The following CDH12 variants were observed in gnomAD, a reference collection of about 807,000 sequenced individuals.
The protein encoded by CDH12 is cadherin-12.
CDH12 carries 41 observed loss-of-function variants against 74.1 expected under a neutral mutation model. That is an observed-to-expected ratio of 0.55 (90% CI 0.43 to 0.72). The LOEUF (loss-of-function observed/expected upper bound fraction) is 0.72, where lower values mean the gene tolerates loss of function less well. Ranked by LOEUF, CDH12 falls within the 30% of genes least tolerant of loss-of-function variation. The pLI is 0.00. For missense variants in CDH12, 945 were observed against 977.2 expected, an observed-to-expected ratio of 0.97 and a Z score of 0.44; for synonymous variants, 399 against 355.0, an observed-to-expected ratio of 1.12 and a Z score of -1.39.
intron 1 of CDH12, among the ~76,000 whole-genome samples, chr5:22,743,445 A>G (rs377669804): frequency 2.0e-5 from 3 of 151,810 alleles, no homozygotes; most frequent in East Asian, 1.9e-4. Context: ...TTGGAAGAAA[A>G]ATGATGACAT....
At chr5:22,547,020 G>A (rs1345668512) in intron 1 of CDH12, among the ~76,000 whole-genome samples, 2 of 152,138 alleles carry the variant, frequency 1.3e-5, no homozygotes, top group African/African-American at 4.8e-5. Flanking sequence ...TGGTGCATTA[G>A]GAGATAACTT....
At chr5:22,847,173 A>T (rs1175993736) in intron 1 of CDH12, among the ~76,000 whole-genome samples, 1 of 152,012 alleles carries the variant, frequency 6.6e-6, no homozygotes, top group Non-Finnish European at 1.5e-5. Flanking sequence ...ACTATAAGAC[A>T]CTCTTTTACT....
intron 2 of CDH12, among the ~76,000 whole-genome samples, chr5:22,415,844 T>C (rs1180984984): frequency 2.0e-5 from 3 of 152,052 alleles, no homozygotes; most frequent in Admixed American, 6.6e-5. Context: ...CAGGTTTTGG[T>C]TGGCAATACA....
At chr5:21,770,701 C>T (rs1487408217) in intron 11 of CDH12, among the ~76,000 whole-genome samples, 3 of 152,002 alleles carry the variant, frequency 2.0e-5, no homozygotes, top group Non-Finnish European at 2.9e-5. Context: ...CCAGCAATCC[C>T]GTTATTGGGT....
At position 22,191,553 on chromosome 5, in the gene CDH12, TC is replaced by T. The variant is rs1750277823; in HGVS notation, c.-187+20944del. Among the ~76,000 whole-genome samples the T allele has an allele frequency of 6.4e-4, 36 of 56,346 alleles. 1 individual carries two copies. Among genetic ancestry groups the T allele is most frequent in the Admixed American group, 1.0e-3 (3 of 2,962 alleles). The allele number at this position is 56,346 out of a possible 152,430, so 37.0% of individuals were successfully genotyped here. ...ATAAGTTGTCTATATACACCAATGG[TC>T]TTTTTATTTTTATTTTTTTTTTTTT... is the stretch of plus-strand genomic sequence containing the variant. On this transcript the variant is annotated intron_variant, in intron 4 of 14. Coordinates refer to ENST00000382254, the MANE Select transcript of CDH12 (RefSeq NM_004061.5).
At chr5:22,074,372 C>T (rs1446990829) in intron 5 of CDH12, among the ~76,000 whole-genome samples, 1 of 152,096 alleles carries the variant, frequency 6.6e-6, no homozygotes, top group African/African-American at 2.4e-5. Flanking sequence ...AGAAGAAAAC[C>T]TAGGTAATAC....
intron 3 of CDH12, among the ~76,000 whole-genome samples, chr5:22,375,132 C>A (rs1741465602): frequency 6.6e-6 from 1 of 151,936 alleles, no homozygotes; most frequent in East Asian, 1.9e-4. Context: ...AATAAAGAGT[C>A]CAGAAATAGA....
rs551268448 is a variant in CDH12, at chr5:22,408,722, T to C, written c.-427-3371A>G. ...TGTATTGCTGCCCACATCACTAAAT[T>C]AGACTCAATATCACTGAAGTCAAAA... On this transcript the variant is annotated intron_variant, in intron 2 of 14. Transcript: ENST00000382254. 1.1e-4 allele frequency among the ~76,000 whole-genome samples: 16 copies of C among 151,650 alleles called. No homozygotes were observed. The South Asian group carries it at 3.1e-3, about 30-fold the overall frequency.
intron 11 of CDH12, among the ~76,000 whole-genome samples, chr5:21,772,816 C>A (rs188577880): frequency 6.6e-6 from 1 of 152,014 alleles, no homozygotes; most frequent in East Asian, 1.9e-4. Flanking sequence ...AAATTTCAAC[C>A]TTTAGGTGAA....
intron 1 of CDH12, among the ~76,000 whole-genome samples, chr5:22,715,056 T>C (rs1030796022): frequency 6.6e-6 from 1 of 152,202 alleles, no homozygotes; most frequent in African/African-American, 2.4e-5. Context: ...CTTTCAGTTA[T>C]CAACCTTAAC....
intron 1 of CDH12, among the ~76,000 whole-genome samples, chr5:22,529,223 AGAAGAG>A (rs1737472454): frequency 6.9e-6 from 1 of 144,408 alleles, no homozygotes; most frequent in Admixed American, 6.9e-5. Flanking sequence ...AGAGAGAGAG[AGAAGAG>A]AGAGAGAGAG....
chr5:21,975,729 T>TA (rs1757045178), intron 5 of CDH12, among the ~76,000 whole-genome samples: 1 of 152,016 alleles, frequency 6.6e-6, no homozygotes, highest in African/African-American at 2.4e-5. Context: ...TTTGAGGTGT[T>TA]ACGAAGATCA....
intron 1 of CDH12, among the ~76,000 whole-genome samples, chr5:22,522,659 C>T (rs1271426477): frequency 6.6e-6 from 1 of 152,148 alleles, no homozygotes; most frequent in Non-Finnish European, 1.5e-5. Flanking sequence ...TAGCTATGAA[C>T]TGTTTCATTT....
intron 2 of CDH12, among the ~76,000 whole-genome samples, chr5:22,481,058 A>G (rs750720533): frequency 3.6e-4 from 55 of 152,212 alleles, no homozygotes; most frequent in Non-Finnish European, 7.3e-4. Flanking sequence ...AGATAGTATT[A>G]CCTGTTATCT....
At chr5:22,778,197 T>C (rs1464813864) in intron 1 of CDH12, among the ~76,000 whole-genome samples, 8 of 152,210 alleles carry the variant, frequency 5.3e-5, no homozygotes. Context: ...ATGTTTTCAT[T>C]CAGTTTGTTG....
chr5:22,321,214 T>A (rs7719711), intron 3 of CDH12, among the ~76,000 whole-genome samples: 90,508 of 150,752 alleles, frequency 0.6, 28,083 homozygotes, highest in South Asian at 0.76. Context: ...TTGCGGCATT[T>A]TTCACAATAG....
chr5:22,699,892 C>A (rs1742617909), intron 1 of CDH12, among the ~76,000 whole-genome samples: 1 of 152,088 alleles, frequency 6.6e-6, no homozygotes, highest in South Asian at 2.1e-4. Flanking sequence ...CATGCATCCA[C>A]AGCCAGGAAC....
At chr5:22,724,193 T>G (rs1744042480) in intron 1 of CDH12, among the ~76,000 whole-genome samples, 1 of 151,874 alleles carries the variant, frequency 6.6e-6, no homozygotes, top group African/African-American at 2.4e-5. Flanking sequence ...ACTTGTATTT[T>G]GATGTCATTA....
chr5:22,096,277 A>C (rs1743775928), intron 4 of CDH12, among the ~76,000 whole-genome samples: 1 of 152,076 alleles, frequency 6.6e-6, no homozygotes, highest in Non-Finnish European at 1.5e-5. Flanking sequence ...GTCCTACAAG[A>C]TCTAAATAAT....
Sources: allele counts gnomAD v4.1 joint callset (sites outside exome capture counted in the v4.1 genomes callset), GRCh38; gene constraint gnomAD v4.1.1; transcripts MANE v1.5; gene names NCBI Gene and HGNC (gene_info 2026-07-23, HGNC 2026-07-21).